MCF2L: variants seen among roughly 807,000 people sequenced by gnomAD.
The protein encoded by MCF2L is guanine nucleotide exchange factor DBS.
A neutral mutation model predicts 153.4 loss-of-function variants in MCF2L; 97 were observed. The observed-to-expected ratio is 0.63, with a 90% confidence interval of 0.54 to 0.75. The LOEUF (loss-of-function observed/expected upper bound fraction) is 0.75. MCF2L is among the 30% of genes least tolerant of loss of function. MCF2L has a pLI of 0.00. For synonymous variants in MCF2L, 659 were observed against 632.2 expected (o/e 1.04, Z -0.64); for missense variants, 1,347 against 1,495.2 (o/e 0.90, Z 1.64).
upstream of MCF2L, among the ~76,000 whole-genome samples, chr13:112,966,498 A>C (rs2081895381): frequency 6.6e-6 from 1 of 152,206 alleles, no homozygotes; most frequent in Non-Finnish European, 1.5e-5. The surrounding 1 kb of genome is among the most constrained non-coding windows in gnomAD (Gnocchi z 4.1). Flanking sequence ...ATCTCATCTA[A>C]ACATACCTTC....
chr13:113,081,760 G>A (rs2034154143), intron 16 of MCF2L, among the ~76,000 whole-genome samples: 1 of 152,262 alleles, frequency 6.6e-6, no homozygotes, highest in Non-Finnish European at 1.5e-5. Flanking sequence ...TCACCTGAGT[G>A]TAGACAGCGA....
At position 112,969,638 on chromosome 13, in the gene MCF2L, A is replaced by G. The variant is rs1034101239; in HGVS notation, c.79+180A>G. The G allele has an allele frequency of 6.2e-6, 4 of 641,558 alleles. No individual in the cohort carries two copies. Among genetic ancestry groups the G allele is most frequent in the Non-Finnish European group, 5.8e-6 (3 of 515,892 alleles). The allele number at this position is 641,558 out of a possible 1,614,324, so 39.7% of individuals were successfully genotyped here. On this transcript the variant is annotated intron_variant, in intron 1 of 29. Transcript: ENST00000535094. This position sits in a 1 kb window ranked among gnomAD's most constrained non-coding sequence, Gnocchi z 4.8. ...GTTTTCAGAGGCTGTCGGCGATCGT[A>G]TGCTGCCCGGGATAGTCAAAATGAC...
At chr13:113,087,642 C>T (rs939778934) in intron 22 of MCF2L, 65 bp from the exon 23 acceptor site, 3 of 1,409,158 alleles carry the variant, frequency 2.1e-6, no homozygotes, top group Non-Finnish European at 3.0e-6. Flanking sequence ...TGCACCAACA[C>T]CTTTTAAAAA....
chr13:113,072,385 A>G (rs987825905), intron 9 of MCF2L, among the ~76,000 whole-genome samples: 2 of 152,142 alleles, frequency 1.3e-5, no homozygotes, highest in Non-Finnish European at 2.9e-5. Context: ...CTTCCACCAT[A>G]TGATAAGAGT....
chr13:113,073,236 G>T (rs529619323), intron 9 of MCF2L, among the ~76,000 whole-genome samples: 7 of 152,134 alleles, frequency 4.6e-5, no homozygotes, highest in Admixed American at 6.5e-5. Flanking sequence ...TGCAGCCCAA[G>T]AATATGGTCT....
chr13:112,965,656 A>T (rs1299722924), upstream of MCF2L: 1 of 152,184 alleles, frequency 6.6e-6, no homozygotes, highest in Non-Finnish European at 1.5e-5. Flanking sequence ...GCCACTCCAT[A>T]GCCCTGCTCC....
At position 113,075,048 on chromosome 13, in the gene MCF2L, T is replaced by G. The variant is rs2033315514; in HGVS notation, c.1167T>G (p.Ile389Met). Residue 389 changes from isoleucine to methionine, a missense_variant, in exon 11 of 30, where the codon ATT (isoleucine) becomes ATG (methionine). By Grantham distance (10) the Ile-to-Met change is conservative. This residue lies in a region of MCF2L where 820 missense variants were observed against 921.2 expected (regional missense o/e 0.89). Coordinates refer to ENST00000535094, the MANE Select transcript of MCF2L (RefSeq NM_001112732.3). ...RALSLDGEQL[I>M]GNKHYAVDSI... ...TGTCTCTGGACGGCGAGCAGCTCAT[T>G]GGGAACAAGCACTACGCGGTAGACT... 1 of 1,612,828 alleles carries G rather than the reference T, an allele frequency of 6.2e-7. No homozygotes were observed. The highest frequency in any genetic ancestry group is 1.7e-5 in the Admixed American group (1 of 59,998).
At chr13:113,087,891 C>T (rs988520164) in intron 23 of MCF2L, 92 bp downstream of exon 23, 122 of 1,117,406 alleles carry the variant, frequency 1.1e-4, no homozygotes, top group Non-Finnish European at 1.4e-4. Context: ...GAAGTTGCAT[C>T]GAGCCCAGGA....
In MCF2L at chr13:113,044,787, A is replaced by G. The variant is rs748133182; in HGVS notation, c.279-484A>G. On this transcript the variant is annotated intron_variant, in intron 3 of 29. Transcript: ENST00000535094. The stretch of plus-strand genomic sequence containing the variant: ...TTCCAGCAGATGCTTGGGAACCTTC[A>G]GAAGTCTTGGGGATTTTCTCCCAGC... The G allele has an allele frequency of 9.3e-6, 15 of 1,612,800 alleles. No individual in the cohort carries two copies. The South Asian group carries it at 1.5e-4, about 17-fold the overall frequency.
At chr13:113,033,680 C>T (rs1234031726) in intron 3 of MCF2L, among the ~76,000 whole-genome samples, 1 of 152,136 alleles carries the variant, frequency 6.6e-6, no homozygotes, top group Non-Finnish European at 1.5e-5. Context: ...CTACCCTTGT[C>T]TGCCATCTCT....
chr13:112,988,806 C>T lies in MCF2L; in HGVS notation c.79+19348C>T, dbSNP rs563469483. 2.0e-3 allele frequency among the ~76,000 whole-genome samples: 140 copies of T among 70,342 alleles called. 2 individuals are homozygous for T. Among genetic ancestry groups the T allele is most frequent in the African/African-American group, 5.9e-3 (110 of 18,662 alleles). The allele number at this position is 70,342 out of a possible 152,430, so 46.1% of individuals were successfully genotyped here. On this transcript the variant is annotated intron_variant, in intron 1 of 29. Coordinates refer to ENST00000535094, the MANE Select transcript of MCF2L (RefSeq NM_001112732.3). ...TCCTCCCTGAGCAGGGGATGGGCTA[C>T]GACACTGGAGTCCTCCCTGAGCAGG...
Position 112,943,230 on chromosome 13 carries a change from A to T in MCF2L, c.169+40859A>T, listed in dbSNP as rs9549607. ...TGTCCTCACCATGTTTCCCACTGGC[A>T]CAGGTGGGGCGGCCACGCCTGTGCC... is the stretch of plus-strand genomic sequence containing the variant. On this transcript the variant is annotated intron_variant, in intron 2 of 29. Transcript: ENST00000375608. This position sits in a 1 kb window ranked among gnomAD's most constrained non-coding sequence, Gnocchi z 4.2. 0.33 allele frequency among the ~76,000 whole-genome samples: 50,614 copies of T among 152,024 alleles called. 8,669 individuals are homozygous for T. The highest frequency in any genetic ancestry group is 0.5 in the South Asian group (2,403 of 4,816).
At chr13:112,997,333 G>A (rs894241461) in intron 1 of MCF2L, among the ~76,000 whole-genome samples, 1 of 152,192 alleles carries the variant, frequency 6.6e-6, no homozygotes, top group African/African-American at 2.4e-5. Context: ...TGCAGGGTGG[G>A]AGCCGAGGAG....
At chr13:112,925,907 T>C (rs1487277292) in intron 2 of MCF2L, among the ~76,000 whole-genome samples, 1 of 152,204 alleles carries the variant, frequency 6.6e-6, no homozygotes, top group African/African-American at 2.4e-5. Context: ...TGTGACAGAC[T>C]GGAAAAAATA....
chr13:112,942,678 A>G (rs2081588096), intron 2 of MCF2L, among the ~76,000 whole-genome samples: 1 of 152,232 alleles, frequency 6.6e-6, no homozygotes, highest in African/African-American at 2.4e-5. Context: ...AATTAGTAAA[A>G]AAACTCTGTC....
At chr13:113,013,757 A>G (rs558014531) in intron 1 of MCF2L, among the ~76,000 whole-genome samples, 18 of 152,348 alleles carry the variant, frequency 1.2e-4, no homozygotes, top group Middle Eastern at 3.4e-3. Context: ...AAATGTGGCT[A>G]TATGATGAGA....
chr13:113,041,780 G>A (rs2141485138), intron 3 of MCF2L, among the ~76,000 whole-genome samples: 1 of 152,286 alleles, frequency 6.6e-6, no homozygotes, highest in East Asian at 1.9e-4. Context: ...GGTCGTGGTG[G>A]GGGCTGCGCA....
chr13:113,013,344 C>G (rs1044710185), intron 1 of MCF2L, among the ~76,000 whole-genome samples: 1 of 152,140 alleles, frequency 6.6e-6, no homozygotes, highest in African/African-American at 2.4e-5. Flanking sequence ...GGGGAAGGGC[C>G]TTGACATCTG....
chr13:112,899,645 G>GC (rs2081101752), intron 1 of MCF2L, among the ~76,000 whole-genome samples: 1 of 152,114 alleles, frequency 6.6e-6, no homozygotes, highest in Admixed American at 6.5e-5. Flanking sequence ...TTAAGCAGGG[G>GC]CCACACCTGC....
Sources: gnomAD v4.1 joint callset for allele counts (sites outside exome capture counted in the v4.1 genomes callset) on GRCh38, gnomAD v4.1.1 for gene constraint, gnomAD v4.1.1 regional missense constraint, Gnocchi (gnomAD v3.1) non-coding constraint, MANE v1.5 for transcripts, NCBI Gene and HGNC (gene_info 2026-07-23, HGNC 2026-07-21) for gene names.